Variants in RINT1 observed in about 807,000 individuals in gnomAD.
RINT1 encodes the protein RAD50-interacting protein 1.
In RINT1, 75 loss-of-function variants were observed where a neutral mutation model predicts 97.7. The observed-to-expected ratio is 0.77, with a 90% confidence interval of 0.64 to 0.93. RINT1 has a LOEUF of 0.93. Ranked by LOEUF, RINT1 falls within the 40% of genes least tolerant of loss-of-function variation. The probability of loss-of-function intolerance (pLI) is 0.00; values close to 1 mark genes in which losing one functional copy is unlikely to be tolerated. For synonymous variants in RINT1, 303 were observed against 326.3 expected, an observed-to-expected ratio of 0.93 and a Z score of 0.77; for missense variants, 892 against 925.2, an observed-to-expected ratio of 0.96 and a Z score of 0.47.
rs894132517 is a variant in RINT1, at chr7:105,554,427, AT to A, written c.1472-592del. 1.6e-3 allele frequency among the ~76,000 whole-genome samples: 234 copies of A among 142,504 alleles called. 1 individual carries two copies. Among genetic ancestry groups the A allele is most frequent in the Admixed American group, 2.3e-3 (33 of 14,118 alleles). 93.5% of individuals were successfully genotyped at this position (142,504 alleles called of 152,430 possible). On this transcript the variant is annotated intron_variant, in intron 10 of 14. Coordinates refer to ENST00000257700, the MANE Select transcript of RINT1 (RefSeq NM_021930.6). ...GTTTATTTGTGTTGAAGAAACTGTC[AT>A]TTTTTTTTCTTTCTTTTTTTTTTTT...
Position 105,565,530 on chromosome 7 carries a change from A to T in RINT1, c.2068A>T (p.Ile690Leu). 1 of 1,613,006 alleles carries T rather than the reference A, an allele frequency of 6.2e-7. No homozygotes were observed. The highest frequency in any genetic ancestry group is 8.5e-7 in the Non-Finnish European group (1 of 1,179,258). The change falls in exon 14 of 15, where the codon ATA (isoleucine) becomes TTA (leucine). Residue 690 changes from isoleucine to leucine, a missense_variant and splice_region_variant. Ile to Leu is a conservative substitution (Grantham distance 5). Coordinates refer to ENST00000257700, the MANE Select transcript of RINT1 (RefSeq NM_021930.6). ...EKLDVYIYQE[I>L]ILANHFNEGG... ...TTATATGAATTATTCTTTGTTTCAGATAATTCTTGCTAATCACTTCAATGA... is the reference window on the plus strand; with the variant it reads ...TTATATGAATTATTCTTTGTTTCAGTTAATTCTTGCTAATCACTTCAATGA...
chr7:105,560,796 C>G (rs774176928), intron 11 of RINT1, among the ~76,000 whole-genome samples: 1 of 151,990 alleles, frequency 6.6e-6, no homozygotes, highest in African/African-American at 2.4e-5. Flanking sequence ...TCTTGGCTCA[C>G]GGCAACTTCT....
chr7:105,536,942 C>G (rs1281923675), intron 3 of RINT1, among the ~76,000 whole-genome samples, 193 bp downstream of exon 3: 1 of 152,082 alleles, frequency 6.6e-6, no homozygotes, highest in African/African-American at 2.4e-5. Flanking sequence ...AAAGTTCCTA[C>G]TGATATGGTT....
intron 4 of RINT1, among the ~76,000 whole-genome samples, chr7:105,546,066 A>C (rs879814463): frequency 1.3e-5 from 2 of 149,404 alleles, no homozygotes; most frequent in Non-Finnish European, 3.0e-5. Context: ...TGACCTCCGG[A>C]GATCCACCCA....
chr7:105,553,887 ATTTTTTTTTTTTTTTTTT>A (rs776924728), intron 10 of RINT1, among the ~76,000 whole-genome samples: 1 of 71,122 alleles, frequency 1.4e-5, no homozygotes, highest in Non-Finnish European at 2.6e-5. Context: ...TACCCAGCTA[ATTTTTTTTTTTTTTTTTT>A]TTTTTTTTTT....
intron 3 of RINT1, among the ~76,000 whole-genome samples, chr7:105,540,312 G>A (rs897176805): frequency 1.1e-4 from 16 of 151,960 alleles, no homozygotes; most frequent in African/African-American, 3.9e-4. Context: ...GCCCAGGCTG[G>A]AGTGCAGTGG....
At chr7:105,546,268 A>G (rs1178455199) in intron 4 of RINT1, among the ~76,000 whole-genome samples, 1 of 152,214 alleles carries the variant, frequency 6.6e-6, no homozygotes, top group African/African-American at 2.4e-5. Flanking sequence ...TGTAAAAGGC[A>G]GATTTATCAG....
At chr7:105,565,488 G>T in intron 13 of RINT1, 31 bp downstream of exon 13, 1 of 1,610,718 alleles carries the variant, frequency 6.2e-7, no homozygotes, top group Non-Finnish European at 8.5e-7. Context: ...TTTGGGCTGT[G>T]ATAATAAAGA....
chr7:105,551,068 A>G (rs920687275), intron 9 of RINT1, among the ~76,000 whole-genome samples: 1 of 151,964 alleles, frequency 6.6e-6, no homozygotes, highest in African/African-American at 2.4e-5. Flanking sequence ...TCACTTTGTC[A>G]CCGAGGCTAG....
In RINT1 at chr7:105,536,700, A is replaced by T; in HGVS notation, c.224A>T (p.Asp75Val). The change falls in exon 3 of 15, where the codon GAT becomes GTT. Residue 75 changes from aspartate (D) to valine (V), a missense_variant. Asp to Val is a radical substitution (Grantham distance 152). Transcript: ENST00000257700. ...GNDLKSLKKL[D>V]KLIEQRTVSK... Reference sequence around the variant, plus strand: ...GACCTTAAATCTTTAAAGAAACTTGATAAACTCATAGAACAGAGGACAGTA... The same window carrying T: ...GACCTTAAATCTTTAAAGAAACTTGTTAAACTCATAGAACAGAGGACAGTA... The T allele has an allele frequency of 6.2e-7, 1 of 1,612,522 alleles. No individual in the cohort carries two copies. The highest frequency in any genetic ancestry group is 8.5e-7 in the Non-Finnish European group (1 of 1,179,308).
At chr7:105,548,731 T>G in intron 7 of RINT1, 21 bp downstream of exon 7, 1 of 1,581,808 alleles carries the variant, frequency 6.3e-7, no homozygotes, top group Non-Finnish European at 8.6e-7. Context: ...CCAGCTCTTG[T>G]CCTTGGTTTT....
chr7:105,560,616 G>A (rs924853720), intron 11 of RINT1, among the ~76,000 whole-genome samples: 2 of 152,092 alleles, frequency 1.3e-5, no homozygotes, highest in African/African-American at 4.8e-5. Flanking sequence ...AATTCTCAAT[G>A]GCTTTTGGTT....
chr7:105,532,450 C>A, intron 1 of RINT1, 93 bp downstream of exon 1: 1 of 1,402,624 alleles, frequency 7.1e-7, no homozygotes. Context: ...TGCGGTGGCC[C>A]TGTAAGCTTG....
At chr7:105,556,938 T>A (rs1791207821) in intron 11 of RINT1, among the ~76,000 whole-genome samples, 1 of 152,154 alleles carries the variant, frequency 6.6e-6, no homozygotes, top group South Asian at 2.1e-4. Flanking sequence ...CAGAGGACCT[T>A]CAGAACTCCC....
chr7:105,536,449 G>A (rs1721490), intron 2 of RINT1, 116 bp from the exon 3 acceptor site: 14,623 of 697,238 alleles, frequency 0.021, 209 homozygotes, highest in Middle Eastern at 0.033. Flanking sequence ...GTGAGCCACC[G>A]TGCCTGGCAA....
In RINT1 at chr7:105,567,134, T is replaced by C. The variant is rs1791797342; in HGVS notation, c.2202T>C (p.Cys734=). ...ENYFKHIKEA[C]IVLNLNVGSA... is the part of the protein sequence containing the mutation. Reference sequence around the variant, plus strand: ...CCCTAAACAGTATAAAAGAAGCCTGTATTGTTTTGAATTTGAACGTCGGTT... The same window carrying C: ...CCCTAAACAGTATAAAAGAAGCCTGCATTGTTTTGAATTTGAACGTCGGTT... The change falls in exon 15 of 15, where the codon TGT becomes TGC. Residue 734 remains cysteine (C), a synonymous_variant. Transcript: ENST00000257700. 1.3e-6 allele frequency: 2 copies of C among 1,574,698 alleles called. No individual in the cohort carries two copies. Among genetic ancestry groups the C allele is most frequent in the South Asian group, 2.4e-5 (2 of 83,914 alleles).
At position 105,548,566 on chromosome 7, in the gene RINT1, TACTG is replaced by T; in HGVS notation, c.854_857del (p.Thr285SerfsTer25). Reference sequence around the variant, plus strand: ...TTGATTATGTCAGAGATGAATTACTTACTGAGCCAAAGCAACTCCCAGAAAAATA... The same window carrying T: ...TTGATTATGTCAGAGATGAATTACTTAGCCAAAGCAACTCCCAGAAAAATA... On this transcript the variant is annotated frameshift_variant, in exon 7 of 15. Transcript: ENST00000257700. LOFTEE classifies it high-confidence loss of function. The T allele has an allele frequency of 6.2e-7, 1 of 1,614,132 alleles. No individual in the cohort carries two copies. Among genetic ancestry groups the T allele is most frequent in the Non-Finnish European group, 8.5e-7 (1 of 1,179,990 alleles).
At chr7:105,555,387 A>G in intron 11 of RINT1, 160 bp downstream of exon 11, 1 of 549,526 alleles carries the variant, frequency 1.8e-6, no homozygotes, top group Middle Eastern at 4.9e-4. Context: ...ATTTTTCTCA[A>G]TCAAATCTCA....
intron 11 of RINT1, among the ~76,000 whole-genome samples, chr7:105,556,270 T>C (rs1791179701): frequency 6.6e-6 from 1 of 151,910 alleles, no homozygotes; most frequent in African/African-American, 2.4e-5. Context: ...TTTCACCTTA[T>C]TGGCCAGGCT....
Sources: allele counts gnomAD v4.1 joint callset (sites outside exome capture counted in the v4.1 genomes callset), GRCh38; gene constraint gnomAD v4.1.1; transcripts MANE v1.5; gene names NCBI Gene and HGNC (gene_info 2026-07-23, HGNC 2026-07-21).